Variants in VIRMA observed in about 807,000 individuals in gnomAD.
VIRMA encodes protein virilizer homolog.
Under a neutral mutation model 182.4 loss-of-function variants are expected in VIRMA, and 65 were observed. The observed-to-expected ratio is 0.36, with a 90% confidence interval of 0.29 to 0.44. The LOEUF is 0.44. Ranked by LOEUF, VIRMA falls within the 20% of genes least tolerant of loss-of-function variation. VIRMA has a pLI of 1.00. For synonymous variants in VIRMA, 709 were observed against 743.1 expected (o/e 0.95, Z 0.75); for missense variants, 1,752 against 2,158.1 (o/e 0.81, Z 3.73).
intron 16 of VIRMA, among the ~76,000 whole-genome samples, chr8:94,503,870 CA>C (rs141784114): frequency 0.058 from 8,626 of 149,490 alleles, 274 homozygotes; most frequent in South Asian, 0.09. Context: ...TTAAAAAAAC[CA>C]AAAAAACAAA....
chr8:94,507,977 G>A (rs929152940), intron 15 of VIRMA, among the ~76,000 whole-genome samples: 10 of 141,248 alleles, frequency 7.1e-5, no homozygotes, highest in African/African-American at 3.0e-4. Context: ...GTGTATATAT[G>A]TATATATGTG....
At chr8:94,489,016 A>G (rs1232872227) in intron 23 of VIRMA, among the ~76,000 whole-genome samples, 156 bp from the exon 24 acceptor site, 1 of 152,262 alleles carries the variant, frequency 6.6e-6, no homozygotes, top group Non-Finnish European at 1.5e-5. Flanking sequence ...TTTTTGAATT[A>G]TACATTTTAA....
intron 15 of VIRMA, among the ~76,000 whole-genome samples, chr8:94,507,562 C>G (rs866742822): frequency 6.6e-5 from 10 of 151,974 alleles, no homozygotes; most frequent in Non-Finnish European, 4.4e-5. Context: ...CAAGACGAGC[C>G]TGGCCAACAT....
At chr8:94,523,508 C>T (rs560196745) in intron 8 of VIRMA, among the ~76,000 whole-genome samples, 1 of 152,112 alleles carries the variant, frequency 6.6e-6, no homozygotes, top group South Asian at 2.1e-4. Flanking sequence ...CTCTCAGGCT[C>T]AAGCAATCCT....
intron 1 of VIRMA, among the ~76,000 whole-genome samples, chr8:94,547,405 T>C (rs902942574): frequency 6.6e-6 from 1 of 151,166 alleles, no homozygotes; most frequent in East Asian, 1.9e-4. Context: ...GAAGGAGTCA[T>C]TTACCTGCAT....
In VIRMA at chr8:94,519,063, A is replaced by G; in HGVS notation, c.2435T>C (p.Val812Ala). The G allele has an allele frequency of 6.2e-7, 1 of 1,613,970 alleles. No individual in the cohort carries two copies. The highest frequency in any genetic ancestry group is 8.5e-7 in the Non-Finnish European group (1 of 1,179,934). The change falls in exon 9 of 24, where the codon GTT (valine) becomes GCT (alanine). Residue 812 changes from valine to alanine, a missense_variant. This residue lies in a region of VIRMA where 777 missense variants were observed against 920.6 expected (regional missense o/e 0.84). Transcript: ENST00000297591. ...ITFNPVGRSAVGHVFSLEKNL... is the reference protein window; with the variant it reads ...ITFNPVGRSAAGHVFSLEKNL... ...TTTCTCCAGACTAAAAACATGGCCA[A>G]CAGCTGATCTTCCCACAGGATTAAA...
chr8:94,545,300 C>T lies in VIRMA; in HGVS notation c.64-1358G>A, dbSNP rs569627714. ...AATTTTATGTCAACTTTTCCTATTA[C>T]TTCAGTCAACTGTTATTACCAAGTG... is the stretch of plus-strand genomic sequence containing the variant. On this transcript the variant is annotated intron_variant, in intron 1 of 23. Transcript: ENST00000297591. Among the ~76,000 whole-genome samples, 5 of 152,246 alleles carry T rather than the reference C, an allele frequency of 3.3e-5. No homozygotes were observed. The South Asian group carries it at 6.2e-4, about 19-fold the overall frequency.
chr8:94,505,096 AG>A (rs959019676), intron 16 of VIRMA, among the ~76,000 whole-genome samples: 4 of 152,166 alleles, frequency 2.6e-5, no homozygotes, highest in African/African-American at 9.7e-5. Context: ...AATAGGAAAA[AG>A]GTTAAAGGCT....
chr8:94,549,316 A>G (rs1815889488), intron 1 of VIRMA, among the ~76,000 whole-genome samples: 2 of 152,244 alleles, frequency 1.3e-5, no homozygotes, highest in Admixed American at 6.5e-5. Context: ...CTTCTCTACC[A>G]TATTACAAAT....
chr8:94,526,299 G>A lies in VIRMA; in HGVS notation c.1945C>T (p.Pro649Ser), dbSNP rs1814962309. The A allele has an allele frequency of 1.2e-6, 2 of 1,613,892 alleles. No individual in the cohort carries two copies. The highest frequency in any genetic ancestry group is 2.2e-5 in the South Asian group (2 of 91,076). Residue 649 changes from proline to serine, a missense_variant, in exon 8 of 24, where the codon CCT (proline) becomes TCT (serine). By Grantham distance (74) the Pro-to-Ser change is moderately conservative (BLOSUM62 -1). This residue lies in a region of VIRMA where 401 missense variants were observed against 455.1 expected (regional missense o/e 0.88). Coordinates refer to ENST00000297591, the MANE Select transcript of VIRMA (RefSeq NM_015496.5). Reference protein sequence around the residue: ...ETAPHTMIQQPVKSFPTMARI... With the variant: ...ETAPHTMIQQSVKSFPTMARI... The stretch of plus-strand genomic sequence containing the variant: ...GCCATCGTTGGGAAAGACTTAACAG[G>A]TTGTTGGATCATTGTATGAGGGGCA...
chr8:94,511,820 GATA>G, intron 12 of VIRMA, 91 bp from the exon 13 acceptor site: 4 of 726,612 alleles, frequency 5.5e-6, no homozygotes, highest in African/African-American at 1.9e-5. Context: ...TAATATTTAT[GATA>G]ATTATATTTA....
intron 2 of VIRMA, among the ~76,000 whole-genome samples, chr8:94,541,254 G>A (rs1260862179): frequency 6.6e-6 from 1 of 150,906 alleles, no homozygotes. Context: ...CCCAAGCAGC[G>A]AGGACTACAG....
At chr8:94,524,175 T>A (rs1814872467) in intron 8 of VIRMA, among the ~76,000 whole-genome samples, 1 of 151,860 alleles carries the variant, frequency 6.6e-6, no homozygotes, top group Admixed American at 6.6e-5. Flanking sequence ...AATTTTGTAT[T>A]TTTAGTAGAG....
chr8:94,526,825 T>C lies in VIRMA; in HGVS notation c.1419A>G (p.Gly473=). 6.2e-7 allele frequency: 1 copy of C among 1,614,158 alleles called. No individual in the cohort carries two copies. Among genetic ancestry groups the C allele is most frequent in the South Asian group, 1.1e-5 (1 of 91,086 alleles). ...VSSLAECGAQ[G]VTGLLQAGVI... is the part of the protein sequence containing the mutation. Reference sequence around the variant, plus strand: ...CTCCTGCTTGTAGCAGTCCTGTAACTCCTTGAGCCCCACATTCTGCTAGTG... The same window carrying C: ...CTCCTGCTTGTAGCAGTCCTGTAACCCCTTGAGCCCCACATTCTGCTAGTG... The change falls in exon 8 of 24, where the codon GGA becomes GGG. Residue 473 remains glycine, a synonymous_variant. Transcript: ENST00000297591.
At chr8:94,500,366 T>C (rs1813929609) in intron 16 of VIRMA, among the ~76,000 whole-genome samples, 1 of 152,184 alleles carries the variant, frequency 6.6e-6, no homozygotes, top group Admixed American at 6.5e-5. Flanking sequence ...GCCACTGCAC[T>C]AGGCCTGGGC....
At chr8:94,545,424 G>A (rs1170822288) in intron 1 of VIRMA, among the ~76,000 whole-genome samples, 2 of 151,996 alleles carry the variant, frequency 1.3e-5, no homozygotes, top group Non-Finnish European at 2.9e-5. Context: ...ATGAATTTAA[G>A]GATTTACAAA....
At chr8:94,534,802 TAA>T (rs1258270628) in intron 5 of VIRMA, 35 bp downstream of exon 5, 9 of 1,604,066 alleles carry the variant, frequency 5.6e-6, no homozygotes, top group Non-Finnish European at 6.8e-6. Flanking sequence ...ACCACGGATA[TAA>T]GTTTCACTTG....
chr8:94,512,024 A>G lies in VIRMA; in HGVS notation c.2817T>C (p.Asn939=). 3 of 1,534,808 alleles carry G rather than the reference A, an allele frequency of 2.0e-6. No individual in the cohort carries two copies. Among genetic ancestry groups the G allele is most frequent in the South Asian group, 1.3e-5 (1 of 77,084 alleles). Reference sequence around the variant, plus strand: ...CAACAGGAGGTGGTGGGCATGCAACATTACAGAGAACACGTAAGGCAGTGG... The same window carrying G: ...CAACAGGAGGTGGTGGGCATGCAACGTTACAGAGAACACGTAAGGCAGTGG... ...GLTTALRVLC[N]VACPPPPVEG... The change falls in exon 12 of 24, where the codon AAT becomes AAC. Residue 939 remains asparagine (N), a synonymous_variant. Transcript: ENST00000297591.
In VIRMA at chr8:94,541,241, C is replaced by A. The variant is rs1001055726; in HGVS notation, c.179+2586G>T. Among the ~76,000 whole-genome samples, 5 of 151,830 alleles carry A rather than the reference C, an allele frequency of 3.3e-5. No homozygotes were observed. The East Asian group carries it at 9.7e-4, about 30-fold the overall frequency. ...GGTTCAAGCAATCCTCCCGCCTCAG[C>A]CTCCCAAGCAGCGAGGACTACAGGC... On this transcript the variant is annotated intron_variant, in intron 2 of 23. Coordinates refer to ENST00000297591, the MANE Select transcript of VIRMA (RefSeq NM_015496.5).
Sources: allele counts gnomAD v4.1 joint callset (sites outside exome capture counted in the v4.1 genomes callset), GRCh38; gene constraint gnomAD v4.1.1; regional missense constraint gnomAD v4.1.1; transcripts MANE v1.5; gene names NCBI Gene and HGNC (gene_info 2026-07-23, HGNC 2026-07-21).